The following SMYD3 variants were observed in gnomAD, a reference collection of about 807,000 sequenced individuals.
The protein encoded by SMYD3 is histone-lysine N-methyltransferase SMYD3.
A neutral mutation model predicts 57.7 loss-of-function variants in SMYD3; 36 were observed. That is an observed-to-expected ratio of 0.62 (90% confidence interval 0.48 to 0.82). The LOEUF (loss-of-function observed/expected upper bound fraction) is 0.82, where lower values mean the gene tolerates loss of function less well. Ranked by LOEUF, SMYD3 falls within the 40% of genes least tolerant of loss-of-function variation. The pLI, the probability that SMYD3 is intolerant of heterozygous loss-of-function variation, is 0.00. For synonymous variants in SMYD3, 211 were observed against 195.0 expected (o/e 1.08, Z -0.68); for missense variants, 515 against 538.8 (o/e 0.96, Z 0.44).
chr1:245,798,914 C>T (rs1309106868), intron 10 of SMYD3, among the ~76,000 whole-genome samples: 1 of 152,164 alleles, frequency 6.6e-6, no homozygotes, highest in Non-Finnish European at 1.5e-5. Context: ...GTGTTCCCGG[C>T]AGGCCCTGCT....
chr1:246,338,043 ATACT>A (rs2065573134), intron 2 of SMYD3, among the ~76,000 whole-genome samples: 1 of 152,240 alleles, frequency 6.6e-6, no homozygotes, highest in African/African-American at 2.4e-5. Context: ...GCCTGAAAAC[ATACT>A]TATTTTCTCA....
intron 5 of SMYD3, among the ~76,000 whole-genome samples, chr1:246,015,153 C>A (rs1010511103): frequency 7.9e-5 from 12 of 152,168 alleles, no homozygotes; most frequent in Admixed American, 6.5e-4. Flanking sequence ...AGGGTGTATA[C>A]ATCTGTCCCC....
chr1:246,493,352 C>A (rs531212392), intron 1 of SMYD3, among the ~76,000 whole-genome samples: 1 of 152,090 alleles, frequency 6.6e-6, no homozygotes, highest in Admixed American at 6.6e-5. Flanking sequence ...GCAGCTGTAG[C>A]AAATACATAA....
At chr1:246,237,432 G>A (rs1447147461) in intron 5 of SMYD3, among the ~76,000 whole-genome samples, 1 of 152,080 alleles carries the variant, frequency 6.6e-6, no homozygotes, top group Non-Finnish European at 1.5e-5. Context: ...TATTACTAGA[G>A]GTAGCTTAGG....
chr1:246,069,560 A>C (rs1307959543), intron 5 of SMYD3, among the ~76,000 whole-genome samples: 3 of 152,206 alleles, frequency 2.0e-5, no homozygotes, highest in Non-Finnish European at 4.4e-5. Flanking sequence ...GTTTGTAATT[A>C]CTTAATATTA....
At chr1:246,161,940 G>GT (rs1420713145) in intron 5 of SMYD3, among the ~76,000 whole-genome samples, 2 of 152,110 alleles carry the variant, frequency 1.3e-5, no homozygotes, top group Non-Finnish European at 2.9e-5. Context: ...TTGCAAGAGG[G>GT]TAAAAAAAAT....
intron 5 of SMYD3, among the ~76,000 whole-genome samples, chr1:246,278,661 G>A (rs953014690): frequency 2.0e-5 from 3 of 152,184 alleles, no homozygotes; most frequent in South Asian, 2.1e-4. Flanking sequence ...CTTCTTCCCC[G>A]GATTTCCATA....
intron 10 of SMYD3, among the ~76,000 whole-genome samples, chr1:245,777,931 A>AAACC (rs1331875426): frequency 1.3e-5 from 2 of 152,124 alleles, no homozygotes; most frequent in African/African-American, 4.8e-5. Flanking sequence ...TCCCAAACCA[A>AAACC]AACCACCAGA....
chr1:246,039,128 T>C (rs932431996), intron 5 of SMYD3, among the ~76,000 whole-genome samples: 2 of 152,194 alleles, frequency 1.3e-5, no homozygotes, highest in African/African-American at 4.8e-5. Flanking sequence ...CGTGGAAATT[T>C]GGAGGTTTCA....
At chr1:246,073,971 G>C (rs2060501466) in intron 5 of SMYD3, among the ~76,000 whole-genome samples, 1 of 152,188 alleles carries the variant, frequency 6.6e-6, no homozygotes, top group South Asian at 2.1e-4. Context: ...TCTCGGCCTA[G>C]GTCAAGCTTG....
At chr1:246,264,574 G>T (rs979872710) in intron 5 of SMYD3, among the ~76,000 whole-genome samples, 3 of 152,142 alleles carry the variant, frequency 2.0e-5, no homozygotes, top group Admixed American at 6.5e-5. Flanking sequence ...GTCTTACAAA[G>T]AATAGCTTTT....
chr1:246,173,292 A>C (rs1241072353), intron 5 of SMYD3, among the ~76,000 whole-genome samples: 37 of 151,608 alleles, frequency 2.4e-4, no homozygotes, highest in African/African-American at 7.8e-4. Context: ...AGACTTTATC[A>C]ACACTACACA....
chr1:246,088,881 A>G (rs951266709), intron 5 of SMYD3, among the ~76,000 whole-genome samples: 1 of 152,234 alleles, frequency 6.6e-6, no homozygotes, highest in African/African-American at 2.4e-5. Flanking sequence ...ACACACACAT[A>G]TATATTTTAT....
chr1:245,921,343 G>A (rs1572694570), intron 7 of SMYD3, among the ~76,000 whole-genome samples: 1 of 152,126 alleles, frequency 6.6e-6, no homozygotes, highest in East Asian at 1.9e-4. Flanking sequence ...ATGTAAATTG[G>A]TTAACCCACT....
chr1:246,419,807 C>A (rs1471913236), intron 1 of SMYD3, among the ~76,000 whole-genome samples: 2 of 152,198 alleles, frequency 1.3e-5, no homozygotes, highest in African/African-American at 4.8e-5. Context: ...CATCTAGAAA[C>A]CATCCGCCCC....
intron 5 of SMYD3, among the ~76,000 whole-genome samples, chr1:246,071,794 G>A (rs1271785233): frequency 2.0e-5 from 3 of 151,372 alleles, no homozygotes; most frequent in African/African-American, 7.3e-5. Context: ...TAGTTCTGGG[G>A]AGGGATTCGT....
At chr1:245,751,622 A>AAAG (rs1553312574) in intron 11 of SMYD3, among the ~76,000 whole-genome samples, 4,180 of 131,030 alleles carry the variant, frequency 0.032, 170 homozygotes, top group Admixed American at 0.12. Flanking sequence ...GAGAGAGAAA[A>AAAG]AGAGAGAGAG....
intron 5 of SMYD3, among the ~76,000 whole-genome samples, chr1:246,241,443 A>C (rs914946955): frequency 2.6e-5 from 4 of 152,160 alleles, no homozygotes; most frequent in East Asian, 1.9e-4. Context: ...GGATGAAGCC[A>C]ACTTGATCGT....
intron 5 of SMYD3, among the ~76,000 whole-genome samples, chr1:246,110,579 C>A (rs1232565308): frequency 6.6e-6 from 1 of 152,226 alleles, no homozygotes; most frequent in Admixed American, 6.5e-5. Context: ...GCAAGCTGAG[C>A]TGTGTCCTGG....
Sources: allele counts gnomAD v4.1 joint callset (sites outside exome capture counted in the v4.1 genomes callset), GRCh38; gene constraint gnomAD v4.1.1; transcripts MANE v1.5; gene names NCBI Gene and HGNC (gene_info 2026-07-23, HGNC 2026-07-21).